The following ANXA10 variants were observed in gnomAD, a reference collection of about 807,000 sequenced individuals.
The protein encoded by ANXA10 is annexin A10, also known as annexin 14.
ANXA10 carries 49 observed loss-of-function variants against 53.5 expected under a neutral mutation model. The observed-to-expected ratio is 0.92, with a 90% CI of 0.73 to 1.16. ANXA10 has a LOEUF of 1.16. Among genes scored for constraint, ANXA10 ranks in the 50% most tolerant of loss-of-function variants. The pLI, the probability that ANXA10 is intolerant of heterozygous loss-of-function variation, is 0.00. For synonymous variants in ANXA10, 131 were observed against 128.9 expected (o/e 1.02, Z -0.11); for missense variants, 393 against 394.4 (o/e 1.00, Z 0.03).
At chr4:168,159,595 G>T (rs1224392899) in intron 3 of ANXA10, among the ~76,000 whole-genome samples, 1 of 152,048 alleles carries the variant, frequency 6.6e-6, no homozygotes, top group Admixed American at 6.6e-5. Flanking sequence ...TTCTATTTAT[G>T]CTTGAGCCTA....
At chr4:168,156,963 A>G (rs1731696491) in intron 3 of ANXA10, among the ~76,000 whole-genome samples, 1 of 152,118 alleles carries the variant, frequency 6.6e-6, no homozygotes, top group Non-Finnish European at 1.5e-5. Context: ...TTATTAAAAA[A>G]TCATTCCTCT....
intron 2 of ANXA10, among the ~76,000 whole-genome samples, chr4:168,129,537 GT>G (rs1345762456): frequency 6.6e-6 from 1 of 152,096 alleles, no homozygotes; most frequent in African/African-American, 2.4e-5. Flanking sequence ...ACGTCAGGAG[GT>G]TTTGGGCTTT....
chr4:168,148,811 G>A (rs1731447947), intron 3 of ANXA10, among the ~76,000 whole-genome samples: 2 of 151,274 alleles, frequency 1.3e-5, no homozygotes, highest in South Asian at 4.2e-4. Context: ...TTTTTTTCTG[G>A]AAATAACAAA....
rs150875346 is a variant in ANXA10 at position 168,161,372 on chromosome 4, C to T, written c.196-1156C>T. 2.0e-3 allele frequency among the ~76,000 whole-genome samples: 309 copies of T among 152,026 alleles called. 1 individual carries two copies. The highest frequency in any genetic ancestry group is 0.017 in the Middle Eastern group (5 of 294). ...TTTGTCAAAGATCAGATGGTTGTAG[C>T]TATGTGGTCTTATTTCTGAGTTTTC... On this transcript the variant is annotated intron_variant, in intron 3 of 11. Coordinates refer to ENST00000359299, the MANE Select transcript of ANXA10 (RefSeq NM_007193.5).
At chr4:168,098,427 C>T (rs1730586247) in intron 1 of ANXA10, among the ~76,000 whole-genome samples, 1 of 152,002 alleles carries the variant, frequency 6.6e-6, no homozygotes, top group African/African-American at 2.4e-5. Flanking sequence ...TCACACACAC[C>T]CACATCCGAC....
intron 11 of ANXA10, among the ~76,000 whole-genome samples, chr4:168,185,585 A>C (rs188423501): frequency 2.0e-5 from 3 of 152,200 alleles, no homozygotes; most frequent in Non-Finnish European, 4.4e-5. Flanking sequence ...ATACAACCTA[A>C]CAAAGAATCC....
chr4:168,166,680 G>A (rs1422396134), intron 6 of ANXA10, among the ~76,000 whole-genome samples: 1 of 128,458 alleles, frequency 7.8e-6, no homozygotes. Flanking sequence ...GTGTGTGTGT[G>A]TTTGAAATGA....
At chr4:168,148,599 A>G (rs184737812) in intron 3 of ANXA10, among the ~76,000 whole-genome samples, 1 of 152,178 alleles carries the variant, frequency 6.6e-6, no homozygotes, top group African/African-American at 2.4e-5. Flanking sequence ...TTCTAGGCAC[A>G]TATTATTATT....
At chr4:168,106,615 A>C (rs2149465377) in intron 1 of ANXA10, among the ~76,000 whole-genome samples, 1 of 152,272 alleles carries the variant, frequency 6.6e-6, no homozygotes, top group Middle Eastern at 3.4e-3. Flanking sequence ...GAAGTAGGGG[A>C]GTTAAAATAA....
intron 3 of ANXA10, among the ~76,000 whole-genome samples, chr4:168,143,018 G>A (rs1003103596): frequency 2.6e-5 from 4 of 152,080 alleles, no homozygotes; most frequent in Non-Finnish European, 5.9e-5. Flanking sequence ...TGAATCTAAG[G>A]CATTATATTC....
intron 1 of ANXA10, among the ~76,000 whole-genome samples, chr4:168,123,844 T>C (rs2149468913): frequency 6.6e-6 from 1 of 152,240 alleles, no homozygotes; most frequent in Admixed American, 6.5e-5. Context: ...TAATGAAAAA[T>C]TGTGACTAGT....
At chr4:168,187,126 T>C (rs1487870097) in intron 11 of ANXA10, among the ~76,000 whole-genome samples, 2 of 152,124 alleles carry the variant, frequency 1.3e-5, no homozygotes, top group African/African-American at 4.8e-5. Context: ...AAATACACAT[T>C]CAGGTTCAAC....
chr4:168,133,610 A>C (rs544108699), intron 2 of ANXA10, among the ~76,000 whole-genome samples: 1 of 152,144 alleles, frequency 6.6e-6, no homozygotes, highest in Non-Finnish European at 1.5e-5. Flanking sequence ...CTGGAAGTAT[A>C]GTTTTCAATG....
At chr4:168,165,195 C>T in intron 5 of ANXA10, 52 bp from the exon 6 acceptor site, 1 of 1,226,628 alleles carries the variant, frequency 8.2e-7, no homozygotes, top group Non-Finnish European at 1.2e-6. Flanking sequence ...TCAAAACACA[C>T]TGATACATAG....
intron 3 of ANXA10, among the ~76,000 whole-genome samples, chr4:168,155,232 C>A (rs1012270860): frequency 1.4e-5 from 2 of 146,968 alleles, no homozygotes; most frequent in Non-Finnish European, 3.0e-5. Flanking sequence ...AATAATATCT[C>A]TAATTTATAC....
Position 168,172,761 on chromosome 4 carries a change from G to T in ANXA10, c.481-4979G>T, listed in dbSNP as rs375464245. Among the ~76,000 whole-genome samples the T allele has an allele frequency of 6.6e-5, 10 of 151,752 alleles. No homozygotes were observed. The East Asian group carries it at 9.7e-4, about 15-fold the overall frequency. On this transcript the variant is annotated intron_variant, in intron 6 of 11. Coordinates refer to ENST00000359299, the MANE Select transcript of ANXA10 (RefSeq NM_007193.5). ...AGAGTAACAGGGAGAAGCATTGTAG[G>T]GCTGAGCATAATGGGTATGTTGCCA... is the stretch of plus-strand genomic sequence containing the variant.
rs1002450618 is a variant in ANXA10 at position 168,162,429 on chromosome 4, G to T, written c.196-99G>T. On this transcript the variant is annotated intron_variant, in intron 3 of 11. Coordinates refer to ENST00000359299, the MANE Select transcript of ANXA10 (RefSeq NM_007193.5). ...ACTTGTTATGCTGTTATTATTAAAT[G>T]ACATGGAAAAGAAAATATTAAAAGA... 19 of 809,284 alleles carry T rather than the reference G, an allele frequency of 2.3e-5. No individual in the cohort carries two copies. In the East Asian group the frequency reaches 5.0e-4, roughly 21 times the overall value. The allele number at this position is 809,284 out of a possible 1,614,324, so 50.1% of individuals were successfully genotyped here. A position where few individuals can be genotyped will look rare whatever the true frequency, so the allele number is the denominator to read the frequency against.
At chr4:168,154,011 C>T (rs1020685237) in intron 3 of ANXA10, among the ~76,000 whole-genome samples, 4 of 151,272 alleles carry the variant, frequency 2.6e-5, no homozygotes, top group African/African-American at 7.3e-5. Context: ...CACGCACACA[C>T]GCGCGCGCGC....
chr4:168,167,121 G>A (rs529422176), intron 6 of ANXA10, among the ~76,000 whole-genome samples: 17 of 152,152 alleles, frequency 1.1e-4, no homozygotes, highest in African/African-American at 2.6e-4. Context: ...TAATCTAAAC[G>A]TTTCTGTGGC....
Sources: gnomAD v4.1 joint callset for allele counts (sites outside exome capture counted in the v4.1 genomes callset) on GRCh38, gnomAD v4.1.1 for gene constraint, MANE v1.5 for transcripts, NCBI Gene and HGNC (gene_info 2026-07-23, HGNC 2026-07-21) for gene names.